The following FAF1 variants were observed in gnomAD, a reference collection of about 807,000 sequenced individuals.
FAF1 encodes the protein Fas associated factor 1, also known as FAS-associated factor 1.
FAF1 carries 25 observed loss-of-function variants against 92.5 expected under a neutral mutation model. The ratio of observed to expected loss-of-function variants is 0.27; its 90% CI spans 0.20 to 0.38. The LOEUF (loss-of-function observed/expected upper bound fraction) is 0.38, where lower values mean the gene tolerates loss of function less well. FAF1 is among the 10% of genes least tolerant of loss of function. The pLI is 1.00. For synonymous variants in FAF1, 234 were observed against 273.2 expected, an observed-to-expected ratio of 0.86 and a Z score of 1.42; for missense variants, 636 against 793.3, an observed-to-expected ratio of 0.80 and a Z score of 2.38.
At chr1:50,732,112 T>C (rs1658951228) in intron 6 of FAF1, among the ~76,000 whole-genome samples, 1 of 152,102 alleles carries the variant, frequency 6.6e-6, no homozygotes, top group South Asian at 2.1e-4. Flanking sequence ...TCTGGCTCTG[T>C]CGCCCAGGCT....
intron 9 of FAF1, among the ~76,000 whole-genome samples, chr1:50,593,373 A>G (rs943000252): frequency 8.5e-5 from 13 of 152,146 alleles, no homozygotes; most frequent in African/African-American, 3.1e-4. Flanking sequence ...GTTACCTGTC[A>G]CCTCTCAGAT....
chr1:50,781,762 G>A (rs1661188466), intron 4 of FAF1, among the ~76,000 whole-genome samples: 1 of 152,142 alleles, frequency 6.6e-6, no homozygotes, highest in Non-Finnish European at 1.5e-5. Flanking sequence ...CCATAAAAAA[G>A]TCTTAAACTT....
chr1:50,624,710 A>G (rs1162663318), intron 8 of FAF1, among the ~76,000 whole-genome samples: 4 of 152,202 alleles, frequency 2.6e-5, no homozygotes, highest in African/African-American at 9.7e-5. Context: ...TATGCACTAA[A>G]TAAGAACAGC....
chr1:50,471,119 G>C (rs560182139), intron 18 of FAF1: 1 of 152,334 alleles, frequency 6.6e-6, no homozygotes, highest in Non-Finnish European at 1.5e-5. Flanking sequence ...GCTATAATGA[G>C]AGAATACATG....
At chr1:50,670,493 C>T (rs1397898977) in intron 7 of FAF1, among the ~76,000 whole-genome samples, 1 of 152,122 alleles carries the variant, frequency 6.6e-6, no homozygotes, top group African/African-American at 2.4e-5. Context: ...TAAAAACAGA[C>T]TATTGATAAA....
chr1:50,785,153 A>AAAAAAAAAAAAT (rs1170623510), intron 4 of FAF1, among the ~76,000 whole-genome samples: 1 of 150,720 alleles, frequency 6.6e-6, no homozygotes, highest in African/African-American at 2.4e-5. Context: ...AAAAAAAAAA[A>AAAAAAAAAAAAT]AAGACTTGAA....
rs922696683 is a variant in FAF1, at chr1:50,904,478, A to G, written c.46-46481T>C. On this transcript the variant is annotated intron_variant, in intron 1 of 18. Transcript: ENST00000396153. Reference sequence around the variant, plus strand: ...GCAATTTCAATGTACTTAATTCAACAGAACAATACATTTTAAAATTATTAA... The same window carrying G: ...GCAATTTCAATGTACTTAATTCAACGGAACAATACATTTTAAAATTATTAA... 8.5e-5 allele frequency among the ~76,000 whole-genome samples: 13 copies of G among 152,244 alleles called. 1 individual carries two copies. The highest frequency in any genetic ancestry group is 3.1e-4 in the African/African-American group (13 of 41,468).
rs373578502 is a variant in FAF1 at position 50,561,848 on chromosome 1, CGGAAGGAA to C, written c.1268+5221_1268+5228del. 6.4e-3 allele frequency among the ~76,000 whole-genome samples: 826 copies of C among 128,534 alleles called. 6 individuals carry two copies. Among genetic ancestry groups the C allele is most frequent in the Middle Eastern group, 0.022 (6 of 276 alleles). The allele number at this position is 128,534 out of a possible 152,430, so 84.3% of individuals were successfully genotyped here. ...TAGGACAGACGGATGGACGGATGGA[CGGAAGGAA>C]GGAAGGAAGGAAGGAAGGAAGGAAG... is the stretch of plus-strand genomic sequence containing the variant. On this transcript the variant is annotated intron_variant, in intron 13 of 18. Transcript: ENST00000396153.
Position 50,596,106 on chromosome 1 carries a change from G to A in FAF1, c.840+15C>T. 2 of 1,596,090 alleles carry A rather than the reference G, an allele frequency of 1.3e-6. No individual in the cohort carries two copies. Among genetic ancestry groups the A allele is most frequent in the Non-Finnish European group, 1.7e-6 (2 of 1,166,216 alleles). On this transcript the variant is annotated intron_variant, in intron 9 of 18. Transcript: ENST00000396153. ...TGGGCCTTCTGTTCAAAGAAAAGCT[G>A]GCAAACAGGCTTACTTCTTCCGACT...
chr1:50,917,028 T>G (rs906301094), intron 1 of FAF1, among the ~76,000 whole-genome samples: 1 of 152,112 alleles, frequency 6.6e-6, no homozygotes, highest in African/African-American at 2.4e-5. Context: ...TCTATCACCC[T>G]AAGAGAATCA....
Position 50,788,200 on chromosome 1 carries a change from T to C in FAF1, c.167A>G (p.Tyr56Cys), listed in dbSNP as rs981627149. 3 of 1,612,962 alleles carry C rather than the reference T, an allele frequency of 1.9e-6. No homozygotes were observed. The highest frequency in any genetic ancestry group is 2.5e-6 in the Non-Finnish European group (3 of 1,179,052). The change falls in exon 4 of 19, where the codon TAT (tyrosine) becomes TGT (cysteine). Residue 56 changes from tyrosine to cysteine, a missense_variant. Physicochemically the swap from Tyr to Cys is radical, Grantham distance 194 (BLOSUM62 -2). Around this residue, in one of 2 missense-constraint regions of FAF1, gnomAD observed 317 missense variants for 342.4 expected, o/e 0.93. Transcript: ENST00000396153. ...AGGTCCTGGTATGGTCTCACCTCCA[T>C]ATTCACTAAAATGTTGACATAAAAG... ...PQENGILQSE[Y>C]GGETIPGPAF...
At chr1:50,854,919 AT>A (rs1644379067) in intron 2 of FAF1, among the ~76,000 whole-genome samples, 1 of 151,670 alleles carries the variant, frequency 6.6e-6, no homozygotes, top group Admixed American at 6.6e-5. Context: ...TCGATGGAAC[AT>A]TTTGGATGAT....
chr1:50,472,936 G>C (rs1161477152), intron 18 of FAF1, among the ~76,000 whole-genome samples: 2 of 151,950 alleles, frequency 1.3e-5, no homozygotes, highest in Admixed American at 6.6e-5. Flanking sequence ...CCCACCCCTG[G>C]CTCTAGGAGG....
chr1:50,785,731 G>A (rs1661338067), intron 4 of FAF1, among the ~76,000 whole-genome samples: 1 of 152,104 alleles, frequency 6.6e-6, no homozygotes, highest in Admixed American at 6.6e-5. Context: ...GAAACAGTAT[G>A]GAAGTTCCTC....
chr1:50,626,056 C>T (rs1653483757), intron 8 of FAF1, among the ~76,000 whole-genome samples: 1 of 152,102 alleles, frequency 6.6e-6, no homozygotes, highest in Admixed American at 6.6e-5. Context: ...TTGCATATTC[C>T]AAAATCAAAG....
chr1:50,904,551 C>T (rs1275929949), intron 1 of FAF1, among the ~76,000 whole-genome samples: 1 of 152,116 alleles, frequency 6.6e-6, no homozygotes, highest in Non-Finnish European at 1.5e-5. Context: ...TGCATGTTTA[C>T]TTTCCTAAAA....
At chr1:50,685,701 G>A (rs1262975162) in intron 7 of FAF1, among the ~76,000 whole-genome samples, 1 of 152,180 alleles carries the variant, frequency 6.6e-6, no homozygotes, top group East Asian at 1.9e-4. Context: ...ACTGACACTA[G>A]TAGATGCTTT....
intron 2 of FAF1, among the ~76,000 whole-genome samples, chr1:50,830,436 G>A (rs764012842): frequency 6.6e-6 from 1 of 152,190 alleles, no homozygotes. Context: ...AAGATACAGA[G>A]ACATTGGGAA....
intron 6 of FAF1, among the ~76,000 whole-genome samples, chr1:50,710,087 T>C (rs868603287): frequency 1.3e-4 from 20 of 152,322 alleles, no homozygotes; most frequent in African/African-American, 4.6e-4. Context: ...GGGCTTCAAA[T>C]GCTAGGCTGA....
Sources: allele counts gnomAD v4.1 joint callset (sites outside exome capture counted in the v4.1 genomes callset), GRCh38; gene constraint gnomAD v4.1.1; regional missense constraint gnomAD v4.1.1; transcripts MANE v1.5; gene names NCBI Gene and HGNC (gene_info 2026-07-23, HGNC 2026-07-21).